The following GALNT13 variants were observed in gnomAD, a reference collection of about 807,000 sequenced individuals.
GALNT13 encodes polypeptide N-acetylgalactosaminyltransferase 13.
GALNT13 carries 28 observed loss-of-function variants against 64.2 expected under a neutral mutation model. The ratio of observed to expected loss-of-function variants is 0.44; its 90% CI spans 0.32 to 0.60. The LOEUF is 0.60. Ranked by LOEUF, GALNT13 falls within the 20% of genes least tolerant of loss-of-function variation. The pLI is 0.05. For synonymous variants in GALNT13, 214 were observed against 224.6 expected (o/e 0.95, Z 0.42); for missense variants, 577 against 669.8 (o/e 0.86, Z 1.53).
intron 9 of GALNT13, among the ~76,000 whole-genome samples, chr2:154,344,176 C>G (rs966064851): frequency 1.3e-5 from 2 of 151,954 alleles, no homozygotes; most frequent in African/African-American, 4.8e-5. Context: ...TTTTAAAACA[C>G]AAAAGACTGT....
At chr2:153,473,373 A>T in the GALNT13 span, among the ~76,000 whole-genome samples, 56 of 152,144 alleles carry the variant, frequency 3.7e-4, no homozygotes, top group Non-Finnish European at 6.9e-4. Context: ...TATATAATTA[A>T]TTTTTCTGAA....
the GALNT13 span, among the ~76,000 whole-genome samples, chr2:153,716,228 C>T: frequency 6.6e-6 from 1 of 152,206 alleles, no homozygotes; most frequent in Middle Eastern, 3.2e-3. Flanking sequence ...CACTGAATAT[C>T]TCAGATCCTT....
intron 3 of GALNT13, among the ~76,000 whole-genome samples, chr2:153,973,727 G>T (rs1196762108): frequency 6.6e-6 from 1 of 151,900 alleles, no homozygotes; most frequent in East Asian, 1.9e-4. Context: ...ACTAAACTTT[G>T]ATGTAGTTTG....
At position 154,202,104 on chromosome 2, in the gene GALNT13, AAGG is replaced by A. The variant is rs879660282; in HGVS notation, c.312-39925_312-39923del. Among the ~76,000 whole-genome samples, 1,124 of 152,220 alleles carry A rather than the reference AAGG, an allele frequency of 7.4e-3. 8 individuals carry two copies. Among genetic ancestry groups the A allele is most frequent in the Middle Eastern group, 0.02 (6 of 294 alleles). On this transcript the variant is annotated intron_variant, in intron 4 of 12. Coordinates refer to ENST00000392825, the MANE Select transcript of GALNT13 (RefSeq NM_052917.4). ...ACCTACTTTGTGCCTGGCTGCAGGC[AAGG>A]TTGCTCTCTGTCTAGCAGGGGAGAA...
intron 3 of GALNT13, among the ~76,000 whole-genome samples, chr2:153,987,965 G>C (rs1694907892): frequency 6.6e-6 from 1 of 151,712 alleles, no homozygotes; most frequent in Non-Finnish European, 1.5e-5. Context: ...ATTCGGGGGA[G>C]AAGAGCACCA....
the GALNT13 span, among the ~76,000 whole-genome samples, chr2:153,673,722 G>C: frequency 2.0e-5 from 3 of 152,262 alleles, no homozygotes; most frequent in East Asian, 5.8e-4. Context: ...TCAGACAAGA[G>C]AAAGAAATAA....
chr2:153,554,404 TTAGA>T, the GALNT13 span, among the ~76,000 whole-genome samples: 3 of 152,276 alleles, frequency 2.0e-5, no homozygotes, highest in Admixed American at 6.5e-5. Context: ...GTCAGTTGCC[TTAGA>T]TAGGGCATTT....
intron 3 of GALNT13, among the ~76,000 whole-genome samples, chr2:153,986,043 T>C (rs1694775293): frequency 6.6e-6 from 1 of 152,086 alleles, no homozygotes; most frequent in Non-Finnish European, 1.5e-5. Flanking sequence ...TGCTAGATAG[T>C]ATTATCAGTG....
At chr2:153,349,106 G>T in the GALNT13 span, among the ~76,000 whole-genome samples, 1 of 152,044 alleles carries the variant, frequency 6.6e-6, no homozygotes, top group Non-Finnish European at 1.5e-5. Context: ...GGACTGTCAG[G>T]AAAAAGATGG....
At chr2:153,232,178 T>C in the GALNT13 span, among the ~76,000 whole-genome samples, 1 of 152,202 alleles carries the variant, frequency 6.6e-6, no homozygotes, top group African/African-American at 2.4e-5. Flanking sequence ...TAGATTTTAG[T>C]AAAATAATCC....
chr2:153,155,059 G>T, the GALNT13 span, among the ~76,000 whole-genome samples: 1 of 152,200 alleles, frequency 6.6e-6, no homozygotes, highest in African/African-American at 2.4e-5. Flanking sequence ...AACCAACCTT[G>T]CATCCTGTGG....
At chr2:154,259,179 A>G (rs775014082) in intron 8 of GALNT13, 41 bp downstream of exon 8, 8 of 1,059,600 alleles carry the variant, frequency 7.6e-6, no homozygotes, top group Admixed American at 1.8e-5. Flanking sequence ...TGAACATACA[A>G]TGCTGTAGCA....
At chr2:153,937,655 A>G (rs979000700) in intron 2 of GALNT13, among the ~76,000 whole-genome samples, 1 of 152,166 alleles carries the variant, frequency 6.6e-6, no homozygotes, top group South Asian at 2.1e-4. Context: ...TTTTTAAAAC[A>G]ATCTAAGGCA....
At chr2:153,222,341 G>T in the GALNT13 span, among the ~76,000 whole-genome samples, 76 of 133,102 alleles carry the variant, frequency 5.7e-4, no homozygotes, top group African/African-American at 2.0e-3. Flanking sequence ...GTGGGGGGGG[G>T]GGTTGGGCTT....
intron 3 of GALNT13, among the ~76,000 whole-genome samples, chr2:154,037,137 A>G (rs1342181630): frequency 1.3e-5 from 2 of 152,140 alleles, no homozygotes; most frequent in African/African-American, 2.4e-5. Flanking sequence ...TGCAATCTTC[A>G]TTATAATGGT....
chr2:153,584,643 C>T, the GALNT13 span, among the ~76,000 whole-genome samples: 1 of 152,184 alleles, frequency 6.6e-6, no homozygotes, highest in African/African-American at 2.4e-5. Context: ...CACATATTGG[C>T]TTGCCAGGAG....
chr2:153,470,017 A>C, the GALNT13 span, among the ~76,000 whole-genome samples: 1 of 152,126 alleles, frequency 6.6e-6, no homozygotes, highest in Non-Finnish European at 1.5e-5. Flanking sequence ...AAATTATAAA[A>C]GTCTTTTTTC....
the GALNT13 span, among the ~76,000 whole-genome samples, chr2:153,280,177 G>T: frequency 7.9e-5 from 12 of 152,204 alleles, no homozygotes; most frequent in African/African-American, 2.9e-4. Flanking sequence ...AATAGTCTCT[G>T]AGGATCTTTT....
At chr2:153,932,587 C>T (rs2197407) in intron 2 of GALNT13, among the ~76,000 whole-genome samples, 37,056 of 148,482 alleles carry the variant, frequency 0.25, 4,916 homozygotes, top group Non-Finnish European at 0.28. Flanking sequence ...ATGTTTTTGA[C>T]AGATCTTCTT....
Sources: allele counts gnomAD v4.1 joint callset (sites outside exome capture counted in the v4.1 genomes callset), GRCh38; gene constraint gnomAD v4.1.1; transcripts MANE v1.5; gene names NCBI Gene and HGNC (gene_info 2026-07-23, HGNC 2026-07-21).